The following PIBF1 variants were observed in gnomAD, a reference collection of about 807,000 sequenced individuals.
The protein encoded by PIBF1 is progesterone immunomodulatory binding factor 1.
A neutral mutation model predicts 112.5 loss-of-function variants in PIBF1; 90 were observed. That is an observed-to-expected ratio of 0.80 (90% CI 0.67 to 0.95). The LOEUF is 0.95. Ranked by LOEUF, PIBF1 falls within the 40% of genes least tolerant of loss-of-function variation. PIBF1 has a pLI of 0.00. For synonymous variants in PIBF1, 301 were observed against 288.6 expected, an observed-to-expected ratio of 1.04 and a Z score of -0.44; for missense variants, 915 against 852.3, an observed-to-expected ratio of 1.07 and a Z score of -0.92.
intron 13 of PIBF1, among the ~76,000 whole-genome samples, chr13:72,918,490 C>A (rs1326233356): frequency 6.7e-6 from 1 of 150,076 alleles, no homozygotes; most frequent in African/African-American, 2.5e-5. Flanking sequence ...CAGGTTCAAG[C>A]AGTTCTCCTG....
intron 11 of PIBF1, among the ~76,000 whole-genome samples, chr13:72,899,379 A>G (rs1483590994): frequency 6.6e-6 from 1 of 152,236 alleles, no homozygotes; most frequent in African/African-American, 2.4e-5. Flanking sequence ...CCTTAACAAA[A>G]TACTAGCTAA....
intron 13 of PIBF1, among the ~76,000 whole-genome samples, chr13:72,930,122 AGTG>A (rs1360708631): frequency 1.3e-5 from 2 of 152,100 alleles, no homozygotes; most frequent in African/African-American, 2.4e-5. Flanking sequence ...AGCCTCCCAG[AGTG>A]CTGGGGTTGC....
intron 10 of PIBF1, among the ~76,000 whole-genome samples, chr13:72,877,179 A>G (rs1474552472): frequency 6.6e-6 from 1 of 152,192 alleles, no homozygotes; most frequent in Non-Finnish European, 1.5e-5. Flanking sequence ...GTGATGGATC[A>G]CATTAATTGA....
At chr13:72,926,996 G>T (rs1481655186) in intron 13 of PIBF1, among the ~76,000 whole-genome samples, 1 of 150,958 alleles carries the variant, frequency 6.6e-6, no homozygotes, top group Admixed American at 6.6e-5. Flanking sequence ...TAATGAGTGT[G>T]TTTCTTCTAA....
chr13:72,806,214 C>G (rs778706644), intron 5 of PIBF1, among the ~76,000 whole-genome samples: 9 of 152,266 alleles, frequency 5.9e-5, no homozygotes, highest in Middle Eastern at 3.4e-3. Flanking sequence ...CTCCCCTCCC[C>G]CAGTCATTGG....
chr13:73,000,168 G>A (rs565546364), intron 17 of PIBF1, among the ~76,000 whole-genome samples: 17 of 152,354 alleles, frequency 1.1e-4, no homozygotes, highest in South Asian at 4.1e-4. Context: ...AGGCGGCTGA[G>A]TCCATGCATC....
intron 14 of PIBF1, among the ~76,000 whole-genome samples, chr13:72,952,663 C>G (rs1171080594): frequency 6.9e-6 from 1 of 144,378 alleles, no homozygotes; most frequent in African/African-American, 2.6e-5. Flanking sequence ...TTTTTTTACT[C>G]GTTGGGGATG....
Position 72,998,988 on chromosome 13 carries a change from C to T in PIBF1, c.2216C>T (p.Thr739Ile), listed in dbSNP as rs1406480094. 1 of 1,577,990 alleles carries T rather than the reference C, an allele frequency of 6.3e-7. No individual in the cohort carries two copies. Among genetic ancestry groups the T allele is most frequent in the African/African-American group, 1.4e-5 (1 of 73,902 alleles). ...HEDNIFTPKP[T>I]LFTKKEAPEW... ...GACAATATATTTACACCTAAACCAACACTCTTTGTAAGTACAATTTTTAAA... is the reference window on the plus strand; with the variant it reads ...GACAATATATTTACACCTAAACCAATACTCTTTGTAAGTACAATTTTTAAA... The change falls in exon 17 of 18, where the codon ACA becomes ATA. Residue 739 changes from threonine (T) to isoleucine (I), a missense_variant. Transcript: ENST00000326291.
intron 5 of PIBF1, among the ~76,000 whole-genome samples, chr13:72,817,922 A>T (rs1177028403): frequency 6.6e-6 from 1 of 152,306 alleles, no homozygotes; most frequent in Non-Finnish European, 1.5e-5. Flanking sequence ...TACGAAAGTA[A>T]TAATTTCGTT....
intron 5 of PIBF1, among the ~76,000 whole-genome samples, chr13:72,815,666 G>T (rs1593959020): frequency 6.6e-6 from 1 of 152,164 alleles, no homozygotes; most frequent in East Asian, 1.9e-4. Context: ...CTTTTTAATT[G>T]TTATTGATCT....
intron 9 of PIBF1, chr13:72,836,047 C>T (rs1017788563): frequency 4.6e-6 from 2 of 431,066 alleles, no homozygotes; most frequent in African/African-American, 2.1e-5. Flanking sequence ...TGCAGTGAGC[C>T]GAGATCGCAC....
intron 15 of PIBF1, among the ~76,000 whole-genome samples, chr13:72,973,149 G>A (rs930622717): frequency 2.6e-5 from 4 of 152,134 alleles, no homozygotes; most frequent in African/African-American, 9.7e-5. Context: ...ATGTATGCCT[G>A]TAGTCCCAGA....
intron 10 of PIBF1, among the ~76,000 whole-genome samples, chr13:72,866,883 A>C (rs1256889503): frequency 6.6e-6 from 1 of 152,146 alleles, no homozygotes; most frequent in Non-Finnish European, 1.5e-5. Context: ...TGTATTATAT[A>C]TCCCAGATGT....
At chr13:73,008,996 T>G (rs909618671) in intron 17 of PIBF1, among the ~76,000 whole-genome samples, 1 of 152,210 alleles carries the variant, frequency 6.6e-6, no homozygotes, top group African/African-American at 2.4e-5. Flanking sequence ...GATAACTATT[T>G]CAGGACAAGT....
Position 72,944,790 on chromosome 13 carries a change from G to A in PIBF1, c.1833+13523G>A, listed in dbSNP as rs369627911. 3.0e-4 allele frequency among the ~76,000 whole-genome samples: 46 copies of A among 152,054 alleles called. No homozygotes were observed. In the South Asian group the frequency reaches 8.9e-3, roughly 30 times the overall value. On this transcript the variant is annotated intron_variant, in intron 14 of 17. Transcript: ENST00000326291. ...TTTTGTTGGTTGGTTTTTTTGAGATGGAGTCTTACTCTCTTGCCCAGGCTG... is the reference window on the plus strand; with the variant it reads ...TTTTGTTGGTTGGTTTTTTTGAGATAGAGTCTTACTCTCTTGCCCAGGCTG...
In PIBF1 at chr13:72,932,141, A is replaced by G. The variant is rs568299719; in HGVS notation, c.1833+874A>G. The stretch of plus-strand genomic sequence containing the variant: ...ATTTTTTTGGTAGAGACAGGGTTTC[A>G]CCATGTTGCCCAGGCTAGTCTAGAA... On this transcript the variant is annotated intron_variant, in intron 14 of 17. Coordinates refer to ENST00000326291, the MANE Select transcript of PIBF1 (RefSeq NM_006346.4). Among the ~76,000 whole-genome samples the G allele has an allele frequency of 1.4e-3, 211 of 151,824 alleles. 1 individual carries two copies. Among genetic ancestry groups the G allele is most frequent in the Middle Eastern group, 6.9e-3 (2 of 288 alleles).
chr13:72,806,524 G>A (rs1338355325), intron 5 of PIBF1, among the ~76,000 whole-genome samples: 3 of 151,584 alleles, frequency 2.0e-5, no homozygotes, highest in Non-Finnish European at 2.9e-5. Context: ...CCCTCCCCTA[G>A]TCCCCCACCC....
intron 14 of PIBF1, among the ~76,000 whole-genome samples, chr13:72,942,873 C>T (rs1463060540): frequency 6.6e-6 from 1 of 151,940 alleles, no homozygotes; most frequent in Non-Finnish European, 1.5e-5. Context: ...TGGTGGTGTG[C>T]ACATATAGTC....
intron 16 of PIBF1, among the ~76,000 whole-genome samples, chr13:72,986,003 A>G (rs8002896): frequency 2.0e-5 from 3 of 151,530 alleles, no homozygotes. Flanking sequence ...AAAATTTTTT[A>G]AAATAAATAA....
Sources: gnomAD v4.1 joint callset for allele counts (sites outside exome capture counted in the v4.1 genomes callset) on GRCh38, gnomAD v4.1.1 for gene constraint, MANE v1.5 for transcripts, NCBI Gene and HGNC (gene_info 2026-07-23, HGNC 2026-07-21) for gene names.